Variants in HACE1 observed in about 807,000 individuals in gnomAD.
HACE1 encodes HECT domain and ankyrin repeat containing E3 ubiquitin protein ligase 1, also known as E3 ubiquitin-protein ligase HACE1.
A neutral mutation model predicts 118.4 loss-of-function variants in HACE1; 73 were observed. That is an observed-to-expected ratio of 0.62 (90% CI 0.51 to 0.75). HACE1 has a LOEUF of 0.75. Among genes scored for constraint, HACE1 ranks in the 30% least tolerant of loss-of-function variants. HACE1 has a pLI of 0.00. For missense variants in HACE1, 749 were observed against 1,102.2 expected (o/e 0.68, Z 4.54); for synonymous variants, 368 against 374.8 (o/e 0.98, Z 0.21).
chr6:104,804,462 C>G (rs919025630), intron 7 of HACE1, among the ~76,000 whole-genome samples: 3 of 152,154 alleles, frequency 2.0e-5, no homozygotes, highest in African/African-American at 7.2e-5. Context: ...TGACTTCAAA[C>G]TATACTACAA....
chr6:104,765,712 T>C (rs1779926201), intron 19 of HACE1, among the ~76,000 whole-genome samples: 1 of 152,242 alleles, frequency 6.6e-6, no homozygotes, highest in African/African-American at 2.4e-5. Context: ...TGCTTGTTTA[T>C]GATCGGCATA....
intron 22 of HACE1, among the ~76,000 whole-genome samples, chr6:104,737,984 A>G (rs934326837): frequency 9.9e-5 from 15 of 152,184 alleles, no homozygotes; most frequent in Non-Finnish European, 1.9e-4. Flanking sequence ...GAGATCTGAG[A>G]ACGGGCAGAC....
At chr6:104,825,230 T>C (rs1483558805) in intron 6 of HACE1, among the ~76,000 whole-genome samples, 1 of 151,814 alleles carries the variant, frequency 6.6e-6, no homozygotes, top group Non-Finnish European at 1.5e-5. Flanking sequence ...TTCCTAGAAA[T>C]AAATTGGAAG....
At chr6:104,779,619 T>A (rs1319785224) in intron 14 of HACE1, among the ~76,000 whole-genome samples, 1 of 152,124 alleles carries the variant, frequency 6.6e-6, no homozygotes, top group Non-Finnish European at 1.5e-5. Context: ...GCTGACTATT[T>A]CTAAAACTTT....
intron 22 of HACE1, among the ~76,000 whole-genome samples, chr6:104,741,433 C>T (rs1375673204): frequency 6.6e-6 from 1 of 151,178 alleles, no homozygotes; most frequent in East Asian, 1.9e-4. Flanking sequence ...CCCCAAATCT[C>T]CTTAAGCTGA....
intron 19 of HACE1, among the ~76,000 whole-genome samples, chr6:104,758,167 G>A (rs995012701): frequency 2.0e-5 from 3 of 152,132 alleles, no homozygotes; most frequent in Non-Finnish European, 4.4e-5. Context: ...AGCAAGGGAG[G>A]CCAACATTCA....
At chr6:104,766,949 T>C (rs1255124163) in intron 19 of HACE1, 1 of 152,194 alleles carries the variant, frequency 6.6e-6, no homozygotes, top group Admixed American at 6.5e-5. Context: ...TATGCTTCTG[T>C]TTCCTCACCT....
chr6:104,737,298 A>G (rs1186134034), intron 22 of HACE1, among the ~76,000 whole-genome samples: 1 of 151,202 alleles, frequency 6.6e-6, no homozygotes, highest in Non-Finnish European at 1.5e-5. Context: ...AAAAAAAAAA[A>G]AAAAAAAAAG....
rs1168716479 is a variant in HACE1, at chr6:104,730,290, C to G, written c.2627+13G>C. ...CAATTTGTAAAGCATTTAAATAAACCAAGTCAACATACCATGTGCTTGAAG... is the reference window on the plus strand; with the variant it reads ...CAATTTGTAAAGCATTTAAATAAACGAAGTCAACATACCATGTGCTTGAAG... On this transcript the variant is annotated intron_variant, in intron 23 of 23. Transcript: ENST00000262903. 8.5e-7 allele frequency: 1 copy of G among 1,171,080 alleles called. No individual in the cohort carries two copies. Among genetic ancestry groups the G allele is most frequent in the Admixed American group, 1.7e-5 (1 of 59,472 alleles). The allele number at this position is 1,171,080 out of a possible 1,614,324, so 72.5% of individuals were successfully genotyped here.
At chr6:104,823,780 C>G (rs1773033850) in intron 6 of HACE1, among the ~76,000 whole-genome samples, 1 of 151,342 alleles carries the variant, frequency 6.6e-6, no homozygotes, top group African/African-American at 2.4e-5. Context: ...AAGATGTTTG[C>G]TGGCGGTTTT....
At chr6:104,738,836 C>A (rs1031579002) in intron 22 of HACE1, among the ~76,000 whole-genome samples, 1 of 149,494 alleles carries the variant, frequency 6.7e-6, no homozygotes, top group Admixed American at 6.7e-5. Context: ...AGATACTCCT[C>A]GAGAAGAGCA....
intron 6 of HACE1, among the ~76,000 whole-genome samples, chr6:104,831,885 TC>T (rs1773916182): frequency 8.3e-6 from 1 of 120,552 alleles, no homozygotes; most frequent in Non-Finnish European, 1.7e-5. Flanking sequence ...AGAGTGAGAC[TC>T]CATCAAAAAA....
At chr6:104,739,442 C>T (rs890191666) in intron 22 of HACE1, among the ~76,000 whole-genome samples, 1 of 151,946 alleles carries the variant, frequency 6.6e-6, no homozygotes, top group African/African-American at 2.4e-5. Context: ...CAGAGACACA[C>T]ATAGGCTCAA....
At chr6:104,778,867 T>G (rs961765994) in intron 14 of HACE1, among the ~76,000 whole-genome samples, 1 of 151,882 alleles carries the variant, frequency 6.6e-6, no homozygotes, top group African/African-American at 2.4e-5. Context: ...TAGAAATAAC[T>G]TAAAGTGGAA....
intron 14 of HACE1, among the ~76,000 whole-genome samples, chr6:104,783,072 G>T (rs1211917045): frequency 1.3e-5 from 2 of 152,082 alleles, no homozygotes; most frequent in Admixed American, 1.3e-4. Flanking sequence ...ACTCTATCTT[G>T]CTCCTATCAA....
intron 6 of HACE1, among the ~76,000 whole-genome samples, chr6:104,825,438 G>C (rs1332046626): frequency 2.0e-5 from 3 of 152,160 alleles, no homozygotes; most frequent in Admixed American, 2.0e-4. Context: ...ACCAACCTCT[G>C]ATTGGCTGCA....
intron 20 of HACE1, among the ~76,000 whole-genome samples, chr6:104,746,159 G>A (rs1216893001): frequency 1.3e-5 from 2 of 152,128 alleles, no homozygotes; most frequent in Non-Finnish European, 2.9e-5. Flanking sequence ...ATTATTTTAT[G>A]TGAATAAAAT....
At chr6:104,741,681 A>G (rs1488276176) in intron 22 of HACE1, among the ~76,000 whole-genome samples, 1 of 148,066 alleles carries the variant, frequency 6.8e-6, no homozygotes, top group Non-Finnish European at 1.5e-5. Context: ...AAATGGAAGA[A>G]CATTCCATGC....
At chr6:104,852,025 T>C (rs1299829428) in intron 2 of HACE1, among the ~76,000 whole-genome samples, 1 of 152,252 alleles carries the variant, frequency 6.6e-6, no homozygotes, top group African/African-American at 2.4e-5. Context: ...ACAATGTATT[T>C]TTCTATGTGA....
Sources: allele counts gnomAD v4.1 joint callset (sites outside exome capture counted in the v4.1 genomes callset), GRCh38; gene constraint gnomAD v4.1.1; transcripts MANE v1.5; gene names NCBI Gene and HGNC (gene_info 2026-07-23, HGNC 2026-07-21).